FILIP1L: variants seen among roughly 807,000 people sequenced by gnomAD.
FILIP1L encodes filamin A interacting protein 1 like, also known as filamin A-interacting protein 1-like.
FILIP1L carries 55 observed loss-of-function variants against 96.6 expected under a neutral mutation model. The ratio of observed to expected loss-of-function variants is 0.57; its 90% CI spans 0.46 to 0.71. FILIP1L has a LOEUF of 0.71. FILIP1L is among the 30% of genes least tolerant of loss of function. The probability of loss-of-function intolerance (pLI) is 0.00; values close to 1 mark genes in which losing one functional copy is unlikely to be tolerated. For synonymous variants in FILIP1L, 467 were observed against 473.9 expected, an observed-to-expected ratio of 0.99 and a Z score of 0.19; for missense variants, 1,304 against 1,321.2, an observed-to-expected ratio of 0.99 and a Z score of 0.20.
At chr3:99,990,662 C>A (rs1709484980) in intron 1 of FILIP1L, among the ~76,000 whole-genome samples, 1 of 151,756 alleles carries the variant, frequency 6.6e-6, no homozygotes, top group African/African-American at 2.4e-5. Flanking sequence ...GCATCAGTAT[C>A]ATTCCAAAGC....
intron 4 of FILIP1L, among the ~76,000 whole-genome samples, chr3:99,865,401 G>A (rs1335553860): frequency 2.0e-5 from 3 of 152,090 alleles, no homozygotes; most frequent in Admixed American, 6.5e-5. Context: ...TTTGTGTGCT[G>A]TAATATTCTG....
intron 1 of FILIP1L, among the ~76,000 whole-genome samples, chr3:99,999,088 C>G (rs1424325248): frequency 6.6e-6 from 1 of 152,204 alleles, no homozygotes; most frequent in Non-Finnish European, 1.5e-5. Flanking sequence ...TCATATATAT[C>G]TCAGTTACTG....
chr3:99,886,841 A>G (rs1705915496), intron 4 of FILIP1L, among the ~76,000 whole-genome samples: 1 of 151,720 alleles, frequency 6.6e-6, no homozygotes, highest in South Asian at 2.1e-4. Flanking sequence ...ATGGTGGTGG[A>G]CACCTGTAAT....
chr3:99,964,160 T>G (rs1195283656), intron 1 of FILIP1L, among the ~76,000 whole-genome samples: 2 of 151,868 alleles, frequency 1.3e-5, no homozygotes, highest in African/African-American at 2.4e-5. Flanking sequence ...GTACATTGAG[T>G]TTTTATAAGC....
chr3:100,071,562 G>T (rs978135332), intron 1 of FILIP1L, among the ~76,000 whole-genome samples: 1 of 152,182 alleles, frequency 6.6e-6, no homozygotes, highest in Non-Finnish European at 1.5e-5. Flanking sequence ...TGGGTCTTCT[G>T]TCCTACTGGT....
At chr3:100,040,584 T>C (rs1460124569) in intron 1 of FILIP1L, 2 of 152,372 alleles carry the variant, frequency 1.3e-5, no homozygotes, top group South Asian at 2.1e-4. Context: ...AGATGATTAA[T>C]AGACTGAACA....
At chr3:99,947,346 C>G (rs561895130) in intron 1 of FILIP1L, among the ~76,000 whole-genome samples, 7 of 152,240 alleles carry the variant, frequency 4.6e-5, no homozygotes, top group Admixed American at 1.3e-4. Flanking sequence ...CATAAATCTT[C>G]CATACCATGA....
chr3:100,028,049 C>T (rs1259422660), intron 1 of FILIP1L, among the ~76,000 whole-genome samples: 1 of 152,166 alleles, frequency 6.6e-6, no homozygotes, highest in Non-Finnish European at 1.5e-5. Context: ...TTAAATTTTA[C>T]TCTGGCTATT....
chr3:99,993,751 A>T (rs1559717981), intron 1 of FILIP1L, among the ~76,000 whole-genome samples: 1 of 152,138 alleles, frequency 6.6e-6, no homozygotes, highest in East Asian at 1.9e-4. Context: ...TTTGTCCTTA[A>T]TTCTGTTGAT....
At chr3:100,017,038 C>T (rs904852011) in intron 1 of FILIP1L, among the ~76,000 whole-genome samples, 2 of 152,146 alleles carry the variant, frequency 1.3e-5, no homozygotes, top group East Asian at 3.8e-4. Context: ...TTTTCAAATT[C>T]ACCAGTTTCT....
At position 99,848,881 on chromosome 3, in the gene FILIP1L, C is replaced by T. The variant is rs372565324; in HGVS notation, c.2795G>A (p.Ser932Asn). Residue 932 changes from serine (S) to asparagine (N), a missense_variant, in exon 5 of 6, where the codon AGT (serine) becomes AAT (asparagine). Physicochemically the swap from Ser to Asn is conservative, Grantham distance 46. Coordinates refer to ENST00000477258, the MANE Select transcript of FILIP1L (RefSeq NM_001387850.1). ...GCCACAGTTCGGTATCACTGCAGTA[C>T]TCGTGTAAGAGTGAGGACTCTCTGT... ...PTTESPHSYT[S>N]TAVIPNCGTP... 3.2e-5 allele frequency: 52 copies of T among 1,613,930 alleles called. 1 individual carries two copies. The highest frequency in any genetic ancestry group is 1.3e-4 in the Admixed American group (8 of 59,990).
intron 1 of FILIP1L, among the ~76,000 whole-genome samples, chr3:100,070,202 C>T (rs1316667070): frequency 1.3e-5 from 2 of 152,164 alleles, no homozygotes; most frequent in Non-Finnish European, 2.9e-5. Flanking sequence ...ATGTGAGAAA[C>T]ACTGAATATC....
chr3:100,077,898 AC>A (rs943152309), intron 1 of FILIP1L, among the ~76,000 whole-genome samples: 2 of 152,076 alleles, frequency 1.3e-5, no homozygotes, highest in African/African-American at 2.4e-5. Context: ...ACAGAATAAG[AC>A]CCTGTCTCAA....
intron 1 of FILIP1L, among the ~76,000 whole-genome samples, chr3:100,106,062 A>G (rs2066389929): frequency 6.6e-6 from 1 of 152,174 alleles, no homozygotes; most frequent in South Asian, 2.1e-4. Flanking sequence ...AATTAAATAA[A>G]ATATCCATAT....
intron 4 of FILIP1L, among the ~76,000 whole-genome samples, chr3:99,915,064 C>T (rs933017312): frequency 3.9e-5 from 6 of 152,000 alleles, no homozygotes; most frequent in Admixed American, 2.0e-4. Context: ...TTTCTTCTAG[C>T]TCCATGATAA....
chr3:99,982,162 G>C (rs1429155025), intron 1 of FILIP1L, among the ~76,000 whole-genome samples: 6 of 151,864 alleles, frequency 4.0e-5, no homozygotes, highest in Non-Finnish European at 7.4e-5. Flanking sequence ...ATATATTTCG[G>C]TATATGTATT....
At chr3:99,901,905 CATA>C (rs1402045210) in intron 4 of FILIP1L, among the ~76,000 whole-genome samples, 1 of 152,030 alleles carries the variant, frequency 6.6e-6, no homozygotes, top group Non-Finnish European at 1.5e-5. Flanking sequence ...TAGAGCTCAG[CATA>C]ATGTTTTTTG....
At chr3:100,042,000 T>C (rs1464635286) in intron 1 of FILIP1L, among the ~76,000 whole-genome samples, 1 of 152,206 alleles carries the variant, frequency 6.6e-6, no homozygotes, top group Non-Finnish European at 1.5e-5. Flanking sequence ...CTATATGATC[T>C]GAGTCCCTTT....
intron 1 of FILIP1L, among the ~76,000 whole-genome samples, chr3:100,080,620 T>G (rs1330791880): frequency 6.6e-6 from 1 of 152,082 alleles, no homozygotes; most frequent in Non-Finnish European, 1.5e-5. Context: ...TATGAAGGAG[T>G]GATGCCTTGT....
Sources: allele counts gnomAD v4.1 joint callset (sites outside exome capture counted in the v4.1 genomes callset), GRCh38; gene constraint gnomAD v4.1.1; transcripts MANE v1.5; gene names NCBI Gene and HGNC (gene_info 2026-07-23, HGNC 2026-07-21).